OR51B5: variants seen among roughly 807,000 people sequenced by gnomAD.
OR51B5 encodes the protein olfactory receptor family 51 subfamily B member 5.
For synonymous variants in OR51B5, 186 were observed against 144.8 expected (o/e 1.28, Z -2.04); for missense variants, 456 against 374.6 (o/e 1.22, Z -1.79).
At chr11:5,422,327 G>GGCAATAA in intron 1 of OR51B5, 8 of 1,613,972 alleles carry the variant, frequency 5.0e-6, no homozygotes, top group Non-Finnish European at 6.8e-6. Flanking sequence ...CTCCATCATG[G>GGCAATAA]GCAATACCAC....
chr11:5,496,058 C>A (rs1370414098), intron 1 of OR51B5, among the ~76,000 whole-genome samples: 1 of 152,050 alleles, frequency 6.6e-6, no homozygotes, highest in Non-Finnish European at 1.5e-5. Context: ...CTGGTTCCTG[C>A]CACAAGTTCC....
chr11:5,361,705 G>C (rs1342465294), intron 1 of OR51B5, among the ~76,000 whole-genome samples: 2 of 152,096 alleles, frequency 1.3e-5, no homozygotes, highest in Non-Finnish European at 2.9e-5. Flanking sequence ...CAAATTCCTA[G>C]AAGAGGGAAA....
intron 1 of OR51B5, among the ~76,000 whole-genome samples, chr11:5,419,940 TATA>T (rs1435801462): frequency 3.3e-5 from 5 of 151,544 alleles, no homozygotes; most frequent in African/African-American, 1.2e-4. Context: ...ATATAAAGAT[TATA>T]ATTAGAGCTT....
chr11:5,422,013 T>G (rs945860430), intron 1 of OR51B5: 3 of 556,962 alleles, frequency 5.4e-6, no homozygotes, highest in Non-Finnish European at 9.4e-6. Flanking sequence ...GGGAGCAGTC[T>G]GCAGAATTGG....
chr11:5,495,386 A>C (rs1851633896), intron 1 of OR51B5, among the ~76,000 whole-genome samples: 1 of 152,234 alleles, frequency 6.6e-6, no homozygotes, highest in Non-Finnish European at 1.5e-5. Flanking sequence ...AAATTTTAAA[A>C]ATATCTATAT....
chr11:5,483,563 AAAG>A (rs1564828957), intron 1 of OR51B5, among the ~76,000 whole-genome samples: 1 of 151,756 alleles, frequency 6.6e-6, no homozygotes, highest in African/African-American at 2.4e-5. Flanking sequence ...CTAAAAAAAA[AAAG>A]AAGAGAAAAG....
intron 1 of OR51B5, chr11:5,488,819 A>G (rs752314712): frequency 4.2e-5 from 68 of 1,613,934 alleles, no homozygotes; most frequent in African/African-American, 9.3e-5. Flanking sequence ...TGTGCCATGT[A>G]TCTTGTAGCA....
intron 1 of OR51B5, among the ~76,000 whole-genome samples, chr11:5,497,042 TAAAAAAAAAAAA>T (rs199964356): frequency 6.6e-5 from 10 of 151,294 alleles, no homozygotes; most frequent in African/African-American, 1.7e-4. Flanking sequence ...AATCAATGTT[TAAAAAAAAAAAA>T]AAAAAAAAAA....
At chr11:5,391,035 A>T (rs1849787071) in intron 1 of OR51B5, 1 of 152,234 alleles carries the variant, frequency 6.6e-6, no homozygotes, top group South Asian at 2.1e-4. Flanking sequence ...TTTACCTTAC[A>T]ACCTCAAGTC....
chr11:5,368,503 G>C (rs539207184), intron 1 of OR51B5, among the ~76,000 whole-genome samples: 1 of 152,134 alleles, frequency 6.6e-6, no homozygotes, highest in Non-Finnish European at 1.5e-5. Context: ...TTGTGAAAAT[G>C]AGACAATTTG....
chr11:5,444,474 G>C (rs891309241), intron 1 of OR51B5, among the ~76,000 whole-genome samples: 1 of 152,102 alleles, frequency 6.6e-6, no homozygotes, highest in Admixed American at 6.5e-5. Context: ...GTTTGGAAGG[G>C]GTCAGATTTG....
chr11:5,378,987 A>C (rs1266908989), intron 1 of OR51B5, among the ~76,000 whole-genome samples: 1 of 149,218 alleles, frequency 6.7e-6, no homozygotes, highest in Non-Finnish European at 1.5e-5. Context: ...AATATAAATC[A>C]TGCTGCTATA....
At chr11:5,471,443 C>T (rs1851226913) in intron 1 of OR51B5, among the ~76,000 whole-genome samples, 1 of 152,006 alleles carries the variant, frequency 6.6e-6, no homozygotes, top group Admixed American at 6.6e-5. Flanking sequence ...TGAGACCAGC[C>T]TGGACAACAT....
At chr11:5,469,250 T>G (rs1851187573) in intron 1 of OR51B5, 1 of 158,050 alleles carries the variant, frequency 6.3e-6, no homozygotes, top group Non-Finnish European at 1.4e-5. Flanking sequence ...CATTGGCTGG[T>G]GCAAGCTCTG....
intron 1 of OR51B5, chr11:5,441,252 C>G (rs760058286): frequency 6.2e-7 from 1 of 1,613,904 alleles, no homozygotes; most frequent in Non-Finnish European, 8.5e-7. Context: ...GTAGTTGAAG[C>G]AGAAAGTAGA....
chr11:5,380,794 T>C (rs758184026), intron 1 of OR51B5, among the ~76,000 whole-genome samples: 3 of 152,156 alleles, frequency 2.0e-5, no homozygotes, highest in Non-Finnish European at 2.9e-5. Context: ...AATGAACTGG[T>C]TGGCAGCTTT....
chr11:5,355,937 T>TAACA (rs1485835158), intron 1 of OR51B5, among the ~76,000 whole-genome samples: 1 of 152,008 alleles, frequency 6.6e-6, no homozygotes, highest in Non-Finnish European at 1.5e-5. Context: ...GAAGGAAAAC[T>TAACA]AACAAACAGA....
At chr11:5,387,072 GTA>G (rs1401856976) in intron 1 of OR51B5, among the ~76,000 whole-genome samples, 4 of 151,904 alleles carry the variant, frequency 2.6e-5, no homozygotes, top group African/African-American at 9.7e-5. Context: ...CACTGTATAA[GTA>G]ATAATAATAA....
chr11:5,389,305 G>A, intron 1 of OR51B5: 1 of 1,200,890 alleles, frequency 8.3e-7, no homozygotes, highest in Non-Finnish European at 1.2e-6. Flanking sequence ...AGGTGATGAT[G>A]ACCATGGTAC....
Sources: allele counts gnomAD v4.1 joint callset (sites outside exome capture counted in the v4.1 genomes callset), GRCh38; gene constraint gnomAD v4.1.1; transcripts MANE v1.5; gene names NCBI Gene and HGNC (gene_info 2026-07-23, HGNC 2026-07-21).